Variants in GALNTL6 observed in about 807,000 individuals in gnomAD.
GALNTL6 encodes the protein polypeptide N-acetylgalactosaminyltransferase-like 6.
Under a neutral mutation model 73.7 loss-of-function variants are expected in GALNTL6, and 46 were observed. The ratio of observed to expected loss-of-function variants is 0.62; its 90% CI spans 0.49 to 0.80. The LOEUF is 0.80. Ranked by LOEUF, GALNTL6 falls within the 30% of genes least tolerant of loss-of-function variation. GALNTL6 has a pLI of 0.00. For missense variants in GALNTL6, 604 were observed against 755.0 expected (o/e 0.80, Z 2.34); for synonymous variants, 259 against 263.7 (o/e 0.98, Z 0.17).
At chr4:172,844,412 C>T (rs1362819584) in intron 7 of GALNTL6, among the ~76,000 whole-genome samples, 1 of 152,200 alleles carries the variant, frequency 6.6e-6, no homozygotes, top group Non-Finnish European at 1.5e-5. Flanking sequence ...TAAGTTATTG[C>T]TCAGGCATCG....
At chr4:172,476,652 C>T (rs1733245934) in intron 5 of GALNTL6, among the ~76,000 whole-genome samples, 4 of 151,970 alleles carry the variant, frequency 2.6e-5, no homozygotes, top group South Asian at 4.1e-4. Context: ...TTTCATGGAG[C>T]GCTGAATAAA....
chr4:171,882,685 C>A (rs1370454810), intron 2 of GALNTL6, among the ~76,000 whole-genome samples: 1 of 152,174 alleles, frequency 6.6e-6, no homozygotes, highest in Non-Finnish European at 1.5e-5. Flanking sequence ...TGATGAAGGT[C>A]GGAAGACTCA....
At chr4:171,884,133 C>T (rs896770610) in intron 2 of GALNTL6, among the ~76,000 whole-genome samples, 1 of 152,136 alleles carries the variant, frequency 6.6e-6, no homozygotes, top group Non-Finnish European at 1.5e-5. Flanking sequence ...CAGATGAATT[C>T]CTCCTTGCCT....
At chr4:171,933,253 C>T (rs761177445) in intron 2 of GALNTL6, among the ~76,000 whole-genome samples, 17 of 152,168 alleles carry the variant, frequency 1.1e-4, no homozygotes, top group East Asian at 9.6e-4. Context: ...TCTCTTAATA[C>T]GGTAATTTGA....
chr4:171,903,680 C>A (rs1737181528), intron 2 of GALNTL6, among the ~76,000 whole-genome samples: 1 of 150,514 alleles, frequency 6.6e-6, no homozygotes, highest in Non-Finnish European at 1.5e-5. Flanking sequence ...GAGGCTCCAC[C>A]TCTGGGGGCA....
intron 5 of GALNTL6, among the ~76,000 whole-genome samples, chr4:172,554,533 T>G (rs1736075875): frequency 6.6e-6 from 1 of 152,178 alleles, no homozygotes; most frequent in Non-Finnish European, 1.5e-5. Flanking sequence ...TAACCCATAC[T>G]CAAGAAAAGA....
intron 2 of GALNTL6, among the ~76,000 whole-genome samples, chr4:171,922,157 T>C (rs1251828779): frequency 6.6e-6 from 1 of 152,052 alleles, no homozygotes; most frequent in Non-Finnish European, 1.5e-5. Context: ...CACTGGTTTT[T>C]CTTTTGTTTC....
chr4:171,878,438 C>T (rs944676294), intron 2 of GALNTL6, among the ~76,000 whole-genome samples: 10 of 152,114 alleles, frequency 6.6e-5, no homozygotes, highest in African/African-American at 9.7e-5. Flanking sequence ...TGTCTCTGTA[C>T]ATGTTTCATT....
intron 3 of GALNTL6, among the ~76,000 whole-genome samples, chr4:172,243,568 G>T (rs573017246): frequency 7.7e-4 from 117 of 152,162 alleles, no homozygotes; most frequent in African/African-American, 2.6e-3. Context: ...ATGCTTGCTG[G>T]TTTCCTCTTT....
intron 7 of GALNTL6, among the ~76,000 whole-genome samples, chr4:172,854,316 C>A (rs1408022917): frequency 6.6e-6 from 1 of 152,138 alleles, no homozygotes; most frequent in African/African-American, 2.4e-5. Flanking sequence ...ATTTTAAGCT[C>A]TTTCAGCACA....
chr4:173,010,656 G>T (rs568317468), intron 11 of GALNTL6, among the ~76,000 whole-genome samples: 2 of 151,716 alleles, frequency 1.3e-5, no homozygotes, highest in Admixed American at 6.6e-5. Flanking sequence ...GTGCAGTGGC[G>T]CAATCTCGGC....
chr4:172,235,363 A>C (rs1034870410), intron 3 of GALNTL6, among the ~76,000 whole-genome samples: 1 of 151,830 alleles, frequency 6.6e-6, no homozygotes, highest in Non-Finnish European at 1.5e-5. Context: ...ATGCACCACC[A>C]TGCCCGGCTA....
chr4:172,502,707 AAAG>A (rs1301980832), intron 5 of GALNTL6, among the ~76,000 whole-genome samples: 2 of 152,248 alleles, frequency 1.3e-5, no homozygotes. Flanking sequence ...GTAAAGACAT[AAAG>A]AAGTATTGAG....
At chr4:172,827,545 C>G (rs1052486430) in intron 7 of GALNTL6, among the ~76,000 whole-genome samples, 3 of 152,186 alleles carry the variant, frequency 2.0e-5, no homozygotes, top group African/African-American at 2.4e-5. Flanking sequence ...GAGTCTTTGT[C>G]TCCCTACCAC....
intron 2 of GALNTL6, among the ~76,000 whole-genome samples, chr4:171,836,900 C>T (rs1735108546): frequency 1.3e-5 from 2 of 151,994 alleles, no homozygotes; most frequent in Admixed American, 1.3e-4. Flanking sequence ...CTAGAATGAA[C>T]CCTAAGGTAT....
At chr4:172,602,545 G>A (rs1738100989) in intron 5 of GALNTL6, among the ~76,000 whole-genome samples, 1 of 151,748 alleles carries the variant, frequency 6.6e-6, no homozygotes, top group Admixed American at 6.6e-5. Context: ...AAGTGGAAGA[G>A]TTTATAAGTC....
chr4:172,334,445 T>G (rs2111187938), intron 4 of GALNTL6, among the ~76,000 whole-genome samples: 1 of 152,354 alleles, frequency 6.6e-6, no homozygotes, highest in African/African-American at 2.4e-5. Flanking sequence ...GTAATTTTGC[T>G]TGTAGAGATT....
At chr4:171,964,753 G>A (rs1739335622) in intron 2 of GALNTL6, among the ~76,000 whole-genome samples, 1 of 152,232 alleles carries the variant, frequency 6.6e-6, no homozygotes, top group Non-Finnish European at 1.5e-5. Context: ...TGAAGGACTT[G>A]TTTTTCCATC....
At chr4:171,967,901 T>G (rs1739436299) in intron 2 of GALNTL6, among the ~76,000 whole-genome samples, 1 of 152,070 alleles carries the variant, frequency 6.6e-6, no homozygotes, top group African/African-American at 2.4e-5. Context: ...TTATACAGAA[T>G]CTCCCCAGAA....
Sources: allele counts gnomAD v4.1 joint callset (sites outside exome capture counted in the v4.1 genomes callset), GRCh38; gene constraint gnomAD v4.1.1; transcripts MANE v1.5; gene names NCBI Gene and HGNC (gene_info 2026-07-23, HGNC 2026-07-21).